Variants in GOLGA2 observed in about 807,000 individuals in gnomAD.
The protein encoded by GOLGA2 is golgin subfamily A member 2.
GOLGA2 carries 49 observed loss-of-function variants against 148.8 expected under a neutral mutation model. The ratio of observed to expected loss-of-function variants is 0.33; its 90% CI spans 0.26 to 0.42. The LOEUF is 0.42. GOLGA2 is among the 10% of genes least tolerant of loss of function. The pLI is 1.00. For missense variants in GOLGA2, 1,178 were observed against 1,304.6 expected, an observed-to-expected ratio of 0.90 and a Z score of 1.49; for synonymous variants, 501 against 511.8, an observed-to-expected ratio of 0.98 and a Z score of 0.28.
In GOLGA2 at chr9:128,257,482, C is replaced by T; in HGVS notation, c.2762G>A (p.Gly921Asp). Residue 921 changes from glycine to aspartate, a missense_variant, in exon 26 of 27, where the codon GGC (glycine) becomes GAC (aspartate). Around this residue, in one of 5 missense-constraint regions of GOLGA2, gnomAD observed 149 missense variants for 154.9 expected, o/e 0.96. Coordinates refer to ENST00000611957, the MANE Select transcript of GOLGA2 (RefSeq NM_001366244.2). The surrounding 1 kb of genome is among the most constrained non-coding windows in gnomAD (Gnocchi z 8.0). ...TCTGCCATGCCACTCGTTGCGGTCG[C>T]CCACAAGCCGTAAGACCAGCTCCTG... ...ELQELVLRLV[G>D]DRNEWHGRFL... 6.2e-7 allele frequency: 1 copy of T among 1,613,622 alleles called. No individual in the cohort carries two copies. The highest frequency in any genetic ancestry group is 8.5e-7 in the Non-Finnish European group (1 of 1,180,016).
chr9:128,274,715 G>A (rs972232298), intron 1 of GOLGA2, among the ~76,000 whole-genome samples: 10 of 152,178 alleles, frequency 6.6e-5, no homozygotes, highest in African/African-American at 2.4e-4. Context: ...GACAACCCAA[G>A]CCTCATTTCA....
intron 19 of GOLGA2, among the ~76,000 whole-genome samples, 168 bp from the exon 20 acceptor site, chr9:128,259,559 C>G (rs1461508007): frequency 6.6e-6 from 1 of 152,232 alleles, no homozygotes; most frequent in African/African-American, 2.4e-5. Flanking sequence ...TCCCCAGCCT[C>G]AAATTTCACA....
Position 128,261,427 on chromosome 9 carries a change from A to G in GOLGA2, c.1332+27T>C. The G allele has an allele frequency of 7.4e-7, 1 of 1,352,866 alleles. No individual in the cohort carries two copies. Among genetic ancestry groups the G allele is most frequent in the South Asian group, 1.2e-5 (1 of 85,904 alleles). 83.8% of individuals were successfully genotyped at this position (1,352,866 alleles called of 1,614,324 possible). A position where few individuals can be genotyped will look rare whatever the true frequency, so the allele number is the denominator to read the frequency against. ...AGATCAAGTGACCTATCTAAGGTTG[A>G]GGGGGAGCTGAAGGGTCAGGTCTCA... On this transcript the variant is annotated intron_variant, in intron 16 of 26. Transcript: ENST00000611957. The surrounding 1 kb of genome is among the most constrained non-coding windows in gnomAD (Gnocchi z 5.7).
intron 2 of GOLGA2, 91 bp downstream of exon 2, chr9:128,273,759 A>C (rs1313038640): frequency 6.8e-7 from 1 of 1,461,166 alleles, no homozygotes. Context: ...ACTCTTAATC[A>C]GTACCCAACA....
intron 3 of GOLGA2, among the ~76,000 whole-genome samples, chr9:128,272,288 A>G (rs902671228): frequency 3.3e-5 from 5 of 152,050 alleles, no homozygotes; most frequent in African/African-American, 1.2e-4. Flanking sequence ...GTTCAAGACC[A>G]GCCTGGCCAA....
intron 7 of GOLGA2, 71 bp downstream of exon 7, chr9:128,267,387 A>G: frequency 6.8e-7 from 1 of 1,478,642 alleles, no homozygotes; most frequent in Non-Finnish European, 9.5e-7. Context: ...AGGGGCACCC[A>G]GCCCCCGCTG....
Position 128,259,035 on chromosome 9 carries a change from C to A in GOLGA2, c.2145G>T (p.Gln715His). 6.2e-7 allele frequency: 1 copy of A among 1,610,038 alleles called. No homozygotes were observed. The highest frequency in any genetic ancestry group is 1.1e-5 in the South Asian group (1 of 91,044). Residue 715 changes from glutamine (Q) to histidine (H), a missense_variant, in exon 21 of 27, where the codon CAG becomes CAT. By Grantham distance (24) the Gln-to-His change is conservative. Transcript: ENST00000611957. ...CCCCAGGGTGAGCCATGAGGCTCAACTGGGCCCGTAGCTGCTGATTCTGCT... is the reference window on the plus strand; with the variant it reads ...CCCCAGGGTGAGCCATGAGGCTCAAATGGGCCCGTAGCTGCTGATTCTGCT... The part of the protein sequence containing the change: ...ATQQNQQLRA[Q>H]LSLMAHPGEG...
Position 128,257,435 on chromosome 9 carries a change from G to C in GOLGA2, c.2809C>G (p.Pro937Ala). 6.2e-7 allele frequency: 1 copy of C among 1,613,044 alleles called. No homozygotes were observed. The highest frequency in any genetic ancestry group is 1.7e-5 in the Admixed American group (1 of 60,014). Residue 937 changes from proline to alanine, a missense_variant, in exon 26 of 27, where the codon CCT (proline) becomes GCT (alanine). Physicochemically the swap from Pro to Ala is conservative, Grantham distance 27 (BLOSUM62 -1). Around this residue, in one of 5 missense-constraint regions of GOLGA2, gnomAD observed 149 missense variants for 154.9 expected, o/e 0.96. Transcript: ENST00000611957. The surrounding 1 kb of genome is among the most constrained non-coding windows in gnomAD (Gnocchi z 8.0). Reference protein sequence around the residue: ...HGRFLAAAQNPADEPTSGAPA... With the variant: ...HGRFLAAAQNAADEPTSGAPA... ...GCCCCTGAAGTGGGCTCATCAGCAG[G>C]GTTCTGGGCAGCTGCCAGGAATCTG...
rs1829920747 is a variant in GOLGA2 at position 128,257,164 on chromosome 9, T to C, written c.2993A>G (p.Gln998Arg). ...CAAGCCTGGGCGCTCCCGGGGGTTC[T>C]GCATCTCACGAAGCAGCTGCATGAT... Reference protein sequence around the residue: ...QQIMQLLREMQNPRERPGLGS... With the variant: ...QQIMQLLREMRNPRERPGLGS... Residue 998 changes from glutamine to arginine, a missense_variant, in exon 27 of 27, where the codon CAG becomes CGG. Coordinates refer to ENST00000611957, the MANE Select transcript of GOLGA2 (RefSeq NM_001366244.2). The surrounding 1 kb of genome is among the most constrained non-coding windows in gnomAD (Gnocchi z 8.0). The C allele has an allele frequency of 6.2e-7, 1 of 1,614,162 alleles. No homozygotes were observed.
intron 12 of GOLGA2, among the ~76,000 whole-genome samples, chr9:128,264,870 T>C (rs1042493904): frequency 1.3e-5 from 2 of 152,190 alleles, no homozygotes; most frequent in South Asian, 2.1e-4. Context: ...TTAATCCTCA[T>C]AACCACCACA....
In GOLGA2 at chr9:128,256,387, T is replaced by TTCCCA; in HGVS notation, c.*679_*680insTGGGA. On this transcript the variant is annotated 3_prime_UTR_variant, in exon 27 of 27. Coordinates refer to ENST00000611957, the MANE Select transcript of GOLGA2 (RefSeq NM_001366244.2). Reference sequence around the variant, plus strand: ...GCTACTGTAAGAGTAAAGGGATGACTGGGAAGGGGTGGCAGGCACATGATG... The same window carrying TTCCCA: ...GCTACTGTAAGAGTAAAGGGATGACTTCCCAGGGAAGGGGTGGCAGGCACATGATG... 6.6e-6 allele frequency: 1 copy of TTCCCA among 152,452 alleles called. No homozygotes were observed. The highest frequency in any genetic ancestry group is 1.5e-5 in the Non-Finnish European group (1 of 68,148). The allele number at this position is 152,452 out of a possible 1,614,324, so 9.4% of individuals were successfully genotyped here.
rs1455386914 is a variant in GOLGA2, at chr9:128,260,492, A to G, written c.1731T>C (p.Ala577=). The stretch of plus-strand genomic sequence containing the variant: ...GCTTTACAAATCCGCTCTGCAGCTC[A>G]GCCAGCTGCTCCTTGAGCTCCCGGT... ...SQNRELKEQL[A]ELQSGFVKLT... Residue 577 remains alanine, a synonymous_variant, in exon 18 of 27, where the codon GCT becomes GCC. Transcript: ENST00000611957. This position sits in a 1 kb window ranked among gnomAD's most constrained non-coding sequence, Gnocchi z 4.8. 2 of 1,612,074 alleles carry G rather than the reference A, an allele frequency of 1.2e-6. No individual in the cohort carries two copies. The highest frequency in any genetic ancestry group is 1.3e-5 in the African/African-American group (1 of 75,020).
At chr9:128,270,174 C>T (rs1340120096) in intron 3 of GOLGA2, among the ~76,000 whole-genome samples, 3 of 124,778 alleles carry the variant, frequency 2.4e-5, no homozygotes, top group African/African-American at 9.4e-5. Flanking sequence ...CACTCTGTCG[C>T]CCAGGCTGGA....
rs1830617925 is a variant in GOLGA2 at position 128,266,762 on chromosome 9, A to G, written c.642+432T>C. On this transcript the variant is annotated intron_variant, in intron 8 of 26. Coordinates refer to ENST00000611957, the MANE Select transcript of GOLGA2 (RefSeq NM_001366244.2). This position sits in a 1 kb window ranked among gnomAD's most constrained non-coding sequence, Gnocchi z 4.2. ...GGTTTACATTCTAATGGGCCTTTAA[A>G]TCTTGGACTCTCAGAGCTAAGAGAC... is the stretch of plus-strand genomic sequence containing the variant. 1 of 341,732 alleles carries G rather than the reference A, an allele frequency of 2.9e-6. No homozygotes were observed. Among genetic ancestry groups the G allele is most frequent in the South Asian group, 3.4e-5 (1 of 29,596 alleles). The allele number at this position is 341,732 out of a possible 1,614,324, so 21.2% of individuals were successfully genotyped here. A position where few individuals can be genotyped will look rare whatever the true frequency, so the allele number is the denominator to read the frequency against.
Position 128,275,949 on chromosome 9 carries a change from GGGGA to G in GOLGA2, c.24_27del (p.Pro9AlafsTer20), listed in dbSNP as rs753915115. The stretch of plus-strand genomic sequence containing the variant: ...CGGGTTTCTTCCGACATCGCGGGGC[GGGGA>G]GGGAGGCGGGGTTGGGGCCACATCA... On this transcript the variant is annotated frameshift_variant, in exon 1 of 27. Coordinates refer to ENST00000611957, the MANE Select transcript of GOLGA2 (RefSeq NM_001366244.2). LOFTEE classifies it high-confidence loss of function. 3 of 1,595,376 alleles carry G rather than the reference GGGGA, an allele frequency of 1.9e-6. No homozygotes were observed. The highest frequency in any genetic ancestry group is 2.2e-5 in the South Asian group (2 of 90,010).
chr9:128,268,218 A>G, intron 4 of GOLGA2, 58 bp from the exon 5 acceptor site: 1 of 1,434,566 alleles, frequency 7.0e-7, no homozygotes, highest in Non-Finnish European at 9.8e-7. Context: ...ATCACCCAGG[A>G]TGGGGTGAGT....
Position 128,258,526 on chromosome 9 carries a change from C to T in GOLGA2, c.2218G>A (p.Glu740Lys), listed in dbSNP as rs576706206. Residue 740 changes from glutamate (E) to lysine (K), a missense_variant, in exon 22 of 27, where the codon GAG becomes AAG. Physicochemically the swap from Glu to Lys is moderately conservative, Grantham distance 56. Around this residue, in one of 5 missense-constraint regions of GOLGA2, gnomAD observed 529 missense variants for 521.8 expected, o/e 1.01. Coordinates refer to ENST00000611957, the MANE Select transcript of GOLGA2 (RefSeq NM_001366244.2). This position sits in a 1 kb window ranked among gnomAD's most constrained non-coding sequence, Gnocchi z 6.6. Reference sequence around the variant, plus strand: ...TGAGGTACTGCCACCGCCTCCTCCTCCTCCTCCTCCTCATCCTCCTCCTCC... The same window carrying T: ...TGAGGTACTGCCACCGCCTCCTCCTTCTCCTCCTCCTCATCCTCCTCCTCC... ...REEEEDEEEE[E>K]EEAVAVPQPM... 17 of 1,593,176 alleles carry T rather than the reference C, an allele frequency of 1.1e-5. No homozygotes were observed. The highest frequency in any genetic ancestry group is 2.3e-5 in the East Asian group (1 of 43,988).
rs41276652 is a variant in GOLGA2, at chr9:128,258,103, C to G, written c.2385G>C (p.Leu795=). The change falls in exon 23 of 27, where the codon CTG becomes CTC. Residue 795 remains leucine (L), a synonymous_variant. Coordinates refer to ENST00000611957, the MANE Select transcript of GOLGA2 (RefSeq NM_001366244.2). The surrounding 1 kb of genome is among the most constrained non-coding windows in gnomAD (Gnocchi z 6.6). ...LKEQRVRCRR[L]AHLLASAQKE... ...TCTGGGCCGAGGCCAGCAGGTGAGC[C>G]AGGCGCCGGCAGCGCACCCTTTGCT... is the stretch of plus-strand genomic sequence containing the variant. 53,372 of 1,609,564 alleles carry G rather than the reference C, an allele frequency of 0.033. 1,000 individuals carry two copies. Among genetic ancestry groups the G allele is most frequent in the Middle Eastern group, 0.074 (449 of 6,046 alleles).
intron 7 of GOLGA2, 69 bp from the exon 8 acceptor site, chr9:128,267,343 G>T: frequency 1.4e-6 from 2 of 1,395,380 alleles, no homozygotes; most frequent in Non-Finnish European, 2.0e-6. Flanking sequence ...CAATCATTAG[G>T]GTTGGGGGGT....
Sources: gnomAD v4.1 joint callset for allele counts (sites outside exome capture counted in the v4.1 genomes callset) on GRCh38, gnomAD v4.1.1 for gene constraint, gnomAD v4.1.1 regional missense constraint, Gnocchi (gnomAD v3.1) non-coding constraint, MANE v1.5 for transcripts, NCBI Gene and HGNC (gene_info 2026-07-23, HGNC 2026-07-21) for gene names.